NEGR1: variants seen among roughly 807,000 people sequenced by gnomAD.
NEGR1 encodes neuronal growth regulator 1, also known as IgLON family member 4.
Under a neutral mutation model 40.9 loss-of-function variants are expected in NEGR1, and 10 were observed. That is an observed-to-expected ratio of 0.24 (90% CI 0.15 to 0.42). The LOEUF is 0.42. Ranked by LOEUF, NEGR1 falls within the 10% of genes least tolerant of loss-of-function variation. NEGR1 has a pLI of 1.00. For synonymous variants in NEGR1, 185 were observed against 166.8 expected (o/e 1.11, Z -0.84); for missense variants, 352 against 438.9 (o/e 0.80, Z 1.77).
intron 5 of NEGR1, among the ~76,000 whole-genome samples, chr1:71,608,769 G>C (rs1650148970): frequency 6.6e-6 from 1 of 152,142 alleles, no homozygotes; most frequent in Non-Finnish European, 1.5e-5. Context: ...ATTTAGAGAA[G>C]GGTTGTGAAC....
At chr1:72,090,268 G>A (rs997500485) in intron 1 of NEGR1, among the ~76,000 whole-genome samples, 10 of 150,048 alleles carry the variant, frequency 6.7e-5, no homozygotes, top group African/African-American at 2.5e-4. Context: ...CCACCAAAAA[G>A]TAATTCTGTA....
chr1:71,603,120 TTCAAGTTATC>T (rs1323837802), intron 5 of NEGR1, among the ~76,000 whole-genome samples: 1 of 152,250 alleles, frequency 6.6e-6, no homozygotes, highest in Non-Finnish European at 1.5e-5. Flanking sequence ...TTCTTTCCTT[TTCAAGTTATC>T]TCACAGATTA....
intron 4 of NEGR1, among the ~76,000 whole-genome samples, chr1:71,645,632 T>C (rs1192636787): frequency 1.3e-5 from 2 of 151,874 alleles, no homozygotes; most frequent in African/African-American, 2.4e-5. Context: ...AGTAGAACCA[T>C]TTTTGAAGCT....
chr1:71,928,056 A>ATATACACACACACATATGTACATATATG (rs1645795962), intron 2 of NEGR1, among the ~76,000 whole-genome samples: 1 of 113,152 alleles, frequency 8.8e-6, no homozygotes, highest in Non-Finnish European at 1.8e-5. Flanking sequence ...ACACGTATAT[A>ATATACACACACACATATGTACATATATG]TATACACACA....
At chr1:72,276,599 T>C (rs1411706344) in intron 1 of NEGR1, among the ~76,000 whole-genome samples, 1 of 152,166 alleles carries the variant, frequency 6.6e-6, no homozygotes, top group Non-Finnish European at 1.5e-5. Context: ...ATAATCTGTG[T>C]ATGGATTATA....
At chr1:71,821,111 GAAC>G (rs1658413963) in intron 2 of NEGR1, among the ~76,000 whole-genome samples, 2 of 152,082 alleles carry the variant, frequency 1.3e-5, no homozygotes, top group African/African-American at 4.8e-5. Flanking sequence ...TACATGGATT[GAAC>G]AACAATATTA....
intron 2 of NEGR1, among the ~76,000 whole-genome samples, chr1:71,882,169 G>A (rs926497180): frequency 2.0e-5 from 3 of 152,034 alleles, no homozygotes; most frequent in Non-Finnish European, 4.4e-5. Flanking sequence ...ATAAACAGAC[G>A]CGAAACTTGC....
At chr1:71,451,596 A>G (rs1646629142) in intron 6 of NEGR1, among the ~76,000 whole-genome samples, 1 of 152,130 alleles carries the variant, frequency 6.6e-6, no homozygotes, top group Admixed American at 6.5e-5. Flanking sequence ...TCAGCCTCCC[A>G]AAGTGCTATG....
intron 1 of NEGR1, among the ~76,000 whole-genome samples, chr1:72,256,652 T>C (rs1655279268): frequency 6.6e-6 from 1 of 152,212 alleles, no homozygotes; most frequent in Admixed American, 6.5e-5. Context: ...CTAAAATATA[T>C]GTAAAAACTA....
chr1:71,745,119 C>T (rs878865894), intron 3 of NEGR1, among the ~76,000 whole-genome samples: 1 of 151,878 alleles, frequency 6.6e-6, no homozygotes, highest in Non-Finnish European at 1.5e-5. Context: ...TTTTGAGGTC[C>T]TACAAACTGA....
intron 2 of NEGR1, among the ~76,000 whole-genome samples, chr1:71,804,567 A>G (rs1411159908): frequency 6.6e-6 from 1 of 152,226 alleles, no homozygotes; most frequent in East Asian, 1.9e-4. Context: ...ATACTTTTAT[A>G]ATTTCTTATG....
intron 1 of NEGR1, among the ~76,000 whole-genome samples, chr1:72,020,513 C>T (rs1646747389): frequency 6.6e-6 from 1 of 152,002 alleles, no homozygotes; most frequent in African/African-American, 2.4e-5. Context: ...CTAGATAAAA[C>T]AAAACACAGA....
intron 6 of NEGR1, among the ~76,000 whole-genome samples, chr1:71,528,805 T>C (rs1315543860): frequency 6.6e-6 from 1 of 151,302 alleles, no homozygotes; most frequent in Non-Finnish European, 1.5e-5. Flanking sequence ...AAAACAATTG[T>C]TTCGGTTTTT....
At chr1:71,457,777 C>T (rs1399568919) in intron 6 of NEGR1, among the ~76,000 whole-genome samples, 1 of 152,180 alleles carries the variant, frequency 6.6e-6, no homozygotes, top group East Asian at 1.9e-4. Context: ...TCTCGGCTCA[C>T]TGCAAGCTCC....
chr1:71,487,915 C>T (rs537000436), intron 6 of NEGR1: 27 of 151,688 alleles, frequency 1.8e-4, no homozygotes, highest in Non-Finnish European at 3.4e-4. Flanking sequence ...ACATGTTGAT[C>T]ATGAGGTAGA....
chr1:71,479,478 T>G (rs1169573403), intron 6 of NEGR1, among the ~76,000 whole-genome samples: 1 of 151,982 alleles, frequency 6.6e-6, no homozygotes, highest in African/African-American at 2.4e-5. Flanking sequence ...ATTATAAAAG[T>G]ATGTCCCACT....
chr1:72,240,081 A>G (rs1654684354), intron 1 of NEGR1, among the ~76,000 whole-genome samples: 1 of 151,934 alleles, frequency 6.6e-6, no homozygotes, highest in African/African-American at 2.4e-5. Context: ...GGCAACATGA[A>G]TTCTGCTAAA....
chr1:71,830,029 G>C (rs1030973368), intron 2 of NEGR1, among the ~76,000 whole-genome samples: 1 of 151,772 alleles, frequency 6.6e-6, no homozygotes, highest in East Asian at 1.9e-4. Context: ...CATGACAAAA[G>C]ATTTACACAA....
intron 1 of NEGR1, among the ~76,000 whole-genome samples, chr1:72,154,614 T>C (rs902530049): frequency 2.0e-5 from 3 of 152,058 alleles, no homozygotes; most frequent in Non-Finnish European, 2.9e-5. Flanking sequence ...GTACACTTCA[T>C]GGAAAAAATT....
Sources: gnomAD v4.1 joint callset for allele counts (sites outside exome capture counted in the v4.1 genomes callset) on GRCh38, gnomAD v4.1.1 for gene constraint, MANE v1.5 for transcripts, NCBI Gene and HGNC (gene_info 2026-07-23, HGNC 2026-07-21) for gene names.